Variants in FAM47C observed in about 807,000 individuals in gnomAD.
The protein encoded by FAM47C is family with sequence similarity 47 member C, also known as putative protein FAM47C.
For missense variants in FAM47C, 847 were observed against 879.9 expected, an observed-to-expected ratio of 0.96 and a Z score of 0.47; for synonymous variants, 307 against 346.5, an observed-to-expected ratio of 0.89 and a Z score of 1.27.
At position 37,009,525 on chromosome X, in the gene FAM47C, A is replaced by T. The variant is rs1927706599; in HGVS notation, c.1115A>T (p.Glu372Val). The T allele has an allele frequency of 8.3e-7, 1 of 1,202,188 alleles. No individual in the cohort carries two copies. Among genetic ancestry groups the T allele is most frequent in the Non-Finnish European group, 1.1e-6 (1 of 892,603 alleles). The change falls in exon 1 of 1, where the codon GAG (glutamate) becomes GTG (valine). Residue 372 changes from glutamate (E) to valine (V), a missense_variant. Coordinates refer to ENST00000358047, the MANE Select transcript of FAM47C (RefSeq NM_001013736.3). The part of the protein sequence containing the change: ...RVSPLRQLPP[E>V]AGVSHLCPEP... ...TCTCCTCTCCGCCAGCTGCCTCCCG[A>T]GGCTGGAGTGTCCCATCTCTGCCCG... is the stretch of plus-strand genomic sequence containing the variant.
Position 37,010,655 on chromosome X carries a change from A to G in FAM47C, c.2245A>G (p.Ser749Gly). 2.5e-6 allele frequency: 3 copies of G among 1,192,538 alleles called. No homozygotes were observed. The highest frequency in any genetic ancestry group is 2.3e-6 in the Non-Finnish European group (2 of 888,346). The change falls in exon 1 of 1, where the codon AGT (serine) becomes GGT (glycine). Residue 749 changes from serine (S) to glycine (G), a missense_variant. By Grantham distance (56) the Ser-to-Gly change is moderately conservative (BLOSUM62 0). Transcript: ENST00000358047. Reference sequence around the variant, plus strand: ...AGAGCCTCCCAAGCCTCGGGTTTCCAGTCTCCGCCCAGAGCCTCTTGAGAC... The same window carrying G: ...AGAGCCTCCCAAGCCTCGGGTTTCCGGTCTCCGCCCAGAGCCTCTTGAGAC... ...RPEPPKPRVS[S>G]LRPEPLETRV... is the part of the protein sequence containing the mutation.
Position 37,008,565 on chromosome X carries a change from C to G in FAM47C, c.155C>G (p.Thr52Arg). 8.2e-7 allele frequency: 1 copy of G among 1,212,512 alleles called. No individual in the cohort carries two copies. Among genetic ancestry groups the G allele is most frequent in the Non-Finnish European group, 1.1e-6 (1 of 895,649 alleles). Residue 52 changes from threonine (T) to arginine (R), a missense_variant, in exon 1 of 1, where the codon ACG (threonine) becomes AGG (arginine). By Grantham distance (71) the Thr-to-Arg change is moderately conservative. Transcript: ENST00000358047. ...PVDTQNWVFV[T>R]EGMDDFRYGC... is the part of the protein sequence containing the mutation. ...GACACCCAGAACTGGGTATTTGTGA[C>G]GGAGGGCATGGACGACTTCCGCTAC...
rs781796853 is a variant in FAM47C at position 37,011,492 on chromosome X, G to A, written c.3082G>A (p.Val1028Ile). ...GCAAGTTTACAAGTACAAAGAAGACGTCACAGATGCATCGGAAGAAGATTA... is the reference window on the plus strand; with the variant it reads ...GCAAGTTTACAAGTACAAAGAAGACATCACAGATGCATCGGAAGAAGATTA... Reference protein sequence around the residue: ...AMQVYKYKEDVTDASEED With the variant: ...AMQVYKYKEDITDASEED Residue 1028 changes from valine (V) to isoleucine (I), a missense_variant, in exon 1 of 1, where the codon GTC becomes ATC. Physicochemically the swap from Val to Ile is conservative, Grantham distance 29 (BLOSUM62 3). Coordinates refer to ENST00000358047, the MANE Select transcript of FAM47C (RefSeq NM_001013736.3). 5.7e-5 allele frequency: 68 copies of A among 1,189,607 alleles called. No individual in the cohort carries two copies. The highest frequency in any genetic ancestry group is 1.9e-4 in the African/African-American group (11 of 56,552).
rs149671724 is a variant in FAM47C at position 37,009,495 on chromosome X, G to T, written c.1085G>T (p.Arg362Leu). ...CTCTGCCCGGAACCTCCAGAGACTC[G>T]CGTATCTCCTCTCCGCCAGCTGCCT... ...SHLCPEPPET[R>L]VSPLRQLPPE... The change falls in exon 1 of 1, where the codon CGC (arginine) becomes CTC (leucine). Residue 362 changes from arginine to leucine, a missense_variant. Physicochemically the swap from Arg to Leu is moderately radical, Grantham distance 102. Coordinates refer to ENST00000358047, the MANE Select transcript of FAM47C (RefSeq NM_001013736.3). The T allele has an allele frequency of 1.5e-5, 18 of 1,202,810 alleles. No homozygotes were observed. The highest frequency in any genetic ancestry group is 1.9e-5 in the Non-Finnish European group (17 of 892,517).
chrX:37,009,999 T>A lies in FAM47C; in HGVS notation c.1589T>A (p.Leu530Gln). The stretch of plus-strand genomic sequence containing the variant: ...CTCCGCCCAGAGCCTCCCAAGATTC[T>A]GGTGTCCAGTCTCCACCAGGCACCT... ...SHLRPEPPKI[L>Q]VSSLHQAPPE... Residue 530 changes from leucine (L) to glutamine (Q), a missense_variant, in exon 1 of 1, where the codon CTG (leucine) becomes CAG (glutamine). Coordinates refer to ENST00000358047, the MANE Select transcript of FAM47C (RefSeq NM_001013736.3). 2 of 1,162,162 alleles carry A rather than the reference T, an allele frequency of 1.7e-6. No individual in the cohort carries two copies. Among genetic ancestry groups the A allele is most frequent in the Non-Finnish European group, 2.3e-6 (2 of 876,583 alleles).
Position 37,008,937 on chromosome X carries a change from C to G in FAM47C, c.527C>G (p.Thr176Arg), listed in dbSNP as rs782156241. Residue 176 changes from threonine to arginine, a missense_variant, in exon 1 of 1, where the codon ACG becomes AGG. By Grantham distance (71) the Thr-to-Arg change is moderately conservative. Coordinates refer to ENST00000358047, the MANE Select transcript of FAM47C (RefSeq NM_001013736.3). ...EGQEKTTDEP[T>R]EPGKYPCGEF... ...CAGGAGAAGACAACTGACGAACCCA[C>G]GGAGCCTGGTAAATACCCCTGTGGG... 1 of 1,211,571 alleles carries G rather than the reference C, an allele frequency of 8.3e-7. No homozygotes were observed. Among genetic ancestry groups the G allele is most frequent in the Non-Finnish European group, 1.1e-6 (1 of 895,234 alleles).
Position 37,010,912 on chromosome X carries a change from C to T in FAM47C, c.2502C>T (p.Ser834=), listed in dbSNP as rs1556333240. 2 of 1,210,498 alleles carry T rather than the reference C, an allele frequency of 1.7e-6. No individual in the cohort carries two copies. Among genetic ancestry groups the T allele is most frequent in the East Asian group, 5.9e-5 (2 of 33,780 alleles). The part of the protein sequence containing the change: ...LKELFQEGTS[S]TMECVSDSLQ... ...AACTGTTTCAGGAAGGTACATCAAG[C>T]ACAATGGAGTGTGTTTCTGACTCTC... Residue 834 remains serine (S), a synonymous_variant, in exon 1 of 1, where the codon AGC becomes AGT. Transcript: ENST00000358047.
At position 37,010,541 on chromosome X, in the gene FAM47C, G is replaced by T. The variant is rs1367060544; in HGVS notation, c.2131G>T (p.Val711Leu). 6 of 1,200,784 alleles carry T rather than the reference G, an allele frequency of 5.0e-6. No homozygotes were observed. Among genetic ancestry groups the T allele is most frequent in the Non-Finnish European group, 5.6e-6 (5 of 892,582 alleles). Residue 711 changes from valine to leucine, a missense_variant, in exon 1 of 1, where the codon GTG (valine) becomes TTG (leucine). Val to Leu is a conservative substitution (Grantham distance 32). Transcript: ENST00000358047. ...RLHPEPPKTR[V>L]SSLHAEPPES... is the part of the protein sequence containing the mutation. ...CCACCCAGAGCCTCCCAAGACTCGG[G>T]TGTCCAGTCTCCACGCGGAGCCTCC...
rs146333223 is a variant in FAM47C at position 37,008,416 on chromosome X, G to T, written c.6G>T (p.Gly2=). Reference sequence around the variant, plus strand: ...GCACCCCAGCGAGGGCCACCATGGGGGACCAGAGGCCGCAGGACCGGCCCA... The same window carrying T: ...GCACCCCAGCGAGGGCCACCATGGGTGACCAGAGGCCGCAGGACCGGCCCA... M[G]DQRPQDRPSS... The change falls in exon 1 of 1, where the codon GGG becomes GGT. Residue 2 remains glycine (G), a synonymous_variant. Transcript: ENST00000358047. 4.9e-5 allele frequency: 59 copies of T among 1,197,547 alleles called. No homozygotes were observed. The African/African-American group carries it at 7.5e-4, about 15-fold the overall frequency.
Position 37,009,565 on chromosome X carries a change from T to C in FAM47C, c.1155T>C (p.Thr385=). The C allele has an allele frequency of 8.3e-7, 1 of 1,200,025 alleles. No homozygotes were observed. The highest frequency in any genetic ancestry group is 1.1e-6 in the Non-Finnish European group (1 of 891,554). Residue 385 remains threonine, a synonymous_variant, in exon 1 of 1, where the codon ACT becomes ACC. Coordinates refer to ENST00000358047, the MANE Select transcript of FAM47C (RefSeq NM_001013736.3). ...VSHLCPEPPK[T]RVPPLRPETP... ...ATCTCTGCCCGGAACCTCCCAAGAC[T>C]CGCGTACCTCCTCTCCGCCCAGAGA...
chrX:37,009,687 T>G lies in FAM47C; in HGVS notation c.1277T>G (p.Leu426Arg), dbSNP rs782504963. The G allele has an allele frequency of 8.3e-7, 1 of 1,209,712 alleles. No homozygotes were observed. The highest frequency in any genetic ancestry group is 1.1e-6 in the Non-Finnish European group (1 of 894,951). ...SEPPKIGVSH[L>R]CLEPPKTRGS... The stretch of plus-strand genomic sequence containing the variant: ...CCTCCCAAGATTGGAGTGTCCCATC[T>G]CTGCCTGGAGCCTCCCAAGACTCGC... Residue 426 changes from leucine to arginine, a missense_variant, in exon 1 of 1, where the codon CTC becomes CGC. By Grantham distance (102) the Leu-to-Arg change is moderately radical (BLOSUM62 -2). Transcript: ENST00000358047.
At position 37,010,843 on chromosome X, in the gene FAM47C, T is replaced by C; in HGVS notation, c.2433T>C (p.Ser811=). ...CTCCCAAGACTGGTCGGGTGTCCAG[T>C]CTCTGCCCGGAGCCTACCAAGACCG... ...LEPPKTGRVS[S]LCPEPTKTGA... Residue 811 remains serine, a synonymous_variant, in exon 1 of 1, where the codon AGT becomes AGC. Transcript: ENST00000358047. 3 of 1,211,732 alleles carry C rather than the reference T, an allele frequency of 2.5e-6. No individual in the cohort carries two copies. The highest frequency in any genetic ancestry group is 3.4e-6 in the Non-Finnish European group (3 of 895,517).
chrX:37,009,730 G>C lies in FAM47C; in HGVS notation c.1320G>C (p.Pro440=), dbSNP rs782336183. 2.5e-5 allele frequency: 30 copies of C among 1,186,602 alleles called. No homozygotes were observed. In the Admixed American group the frequency reaches 6.7e-4, roughly 26 times the overall value. Residue 440 remains proline, a synonymous_variant, in exon 1 of 1, where the codon CCG becomes CCC. Coordinates refer to ENST00000358047, the MANE Select transcript of FAM47C (RefSeq NM_001013736.3). ...AGACTCGCGGATCTCATCTCCGCCC[G>C]GAACCTCCTGAGACTGGAGTGTCCC... ...PPKTRGSHLR[P]EPPETGVSHL... is the part of the protein sequence containing the mutation.
Position 37,008,622 on chromosome X carries a change from G to A in FAM47C, c.212G>A (p.Cys71Tyr), listed in dbSNP as rs1556331367. The A allele has an allele frequency of 1.6e-6, 2 of 1,212,273 alleles. No individual in the cohort carries two copies. The highest frequency in any genetic ancestry group is 4.3e-5 in the Admixed American group (2 of 46,139). Residue 71 changes from cysteine to tyrosine, a missense_variant, in exon 1 of 1, where the codon TGT becomes TAT. Transcript: ENST00000358047. ...GCQSPEDTLV[C>Y]RRDEFLLPKI... ...CAGTCTCCTGAAGATACGCTTGTTT[G>A]TCGCCGTGACGAGTTTTTACTCCCC...
chrX:37,010,617 C>T lies in FAM47C; in HGVS notation c.2207C>T (p.Ser736Phe), dbSNP rs1927770568. ...LCPEPPETGV[S>F]HLRPEPPKPR... ...CCGGAGCCTCCTGAGACTGGAGTGT[C>T]CCATCTCCGCCCAGAGCCTCCCAAG... Residue 736 changes from serine to phenylalanine, a missense_variant, in exon 1 of 1, where the codon TCC becomes TTC. Ser to Phe is a radical substitution (Grantham distance 155, BLOSUM62 -2). Coordinates refer to ENST00000358047, the MANE Select transcript of FAM47C (RefSeq NM_001013736.3). 4.2e-6 allele frequency: 5 copies of T among 1,204,656 alleles called. No individual in the cohort carries two copies. The South Asian group carries it at 8.9e-5, about 21-fold the overall frequency.
chrX:37,010,395 G>T lies in FAM47C; in HGVS notation c.1985G>T (p.Arg662Leu). 1.7e-6 allele frequency: 2 copies of T among 1,175,306 alleles called. No homozygotes were observed. The highest frequency in any genetic ancestry group is 2.3e-6 in the Non-Finnish European group (2 of 882,102). Residue 662 changes from arginine (R) to leucine (L), a missense_variant, in exon 1 of 1, where the codon CGG becomes CTG. Coordinates refer to ENST00000358047, the MANE Select transcript of FAM47C (RefSeq NM_001013736.3). ...CTCTGCCCAGAGCCTCCCAAGACTC[G>T]GGTGTCCAGTCTCCCCCCGGAGCCC... ...SHLCPEPPKT[R>L]VSSLPPEPPE...
chrX:37,009,964 A>G lies in FAM47C; in HGVS notation c.1554A>G (p.Gly518=), dbSNP rs782692377. 8.3e-7 allele frequency: 1 copy of G among 1,199,289 alleles called. No homozygotes were observed. The highest frequency in any genetic ancestry group is 1.8e-5 in the South Asian group (1 of 56,412). Residue 518 remains glycine (G), a synonymous_variant, in exon 1 of 1, where the codon GGA becomes GGG. Coordinates refer to ENST00000358047, the MANE Select transcript of FAM47C (RefSeq NM_001013736.3). ...TCCGCCCAGAGCCTTCTGAGACTGG[A>G]GTGTCCCATCTCCGCCCAGAGCCTC... ...SHLRPEPSET[G]VSHLRPEPPK...
rs1294682628 is a variant in FAM47C, at chrX:37,011,289, C to T, written c.2879C>T (p.Pro960Leu). The T allele has an allele frequency of 8.3e-7, 1 of 1,209,670 alleles. No homozygotes were observed. Among genetic ancestry groups the T allele is most frequent in the Non-Finnish European group, 1.1e-6 (1 of 894,642 alleles). ...KLRSDEPLID[P>L]KLVLEKPDEP... is the part of the protein sequence containing the mutation. ...AGAAGTGATGAACCTTTGATTGACCCCAAGCTCGTACTTGAAAAGCCTGAT... is the reference window on the plus strand; with the variant it reads ...AGAAGTGATGAACCTTTGATTGACCTCAAGCTCGTACTTGAAAAGCCTGAT... Residue 960 changes from proline to leucine, a missense_variant, in exon 1 of 1, where the codon CCC becomes CTC. Transcript: ENST00000358047.
chrX:37,008,664 G>A lies in FAM47C; in HGVS notation c.254G>A (p.Gly85Asp). 3 of 1,211,960 alleles carry A rather than the reference G, an allele frequency of 2.5e-6. No individual in the cohort carries two copies. The highest frequency in any genetic ancestry group is 3.3e-6 in the Non-Finnish European group (3 of 895,571). Residue 85 changes from glycine to aspartate, a missense_variant, in exon 1 of 1, where the codon GGT becomes GAT. Transcript: ENST00000358047. The stretch of plus-strand genomic sequence containing the variant: ...TTACTCCCCAAAATATCTCTCAGAG[G>A]TCCCCAAGCTGACCCCAAAAGCAGG... ...EFLLPKISLR[G>D]PQADPKSRKK... is the part of the protein sequence containing the mutation.
Sources: allele counts gnomAD v4.1 joint callset, GRCh38; gene constraint gnomAD v4.1.1; transcripts MANE v1.5; gene names NCBI Gene and HGNC (gene_info 2026-07-23, HGNC 2026-07-21).